Variants in FBN2 observed in about 807,000 individuals in gnomAD.
FBN2 encodes fibrillin 2.
A neutral mutation model predicts 355.6 loss-of-function variants in FBN2; 105 were observed. The ratio of observed to expected loss-of-function variants is 0.30; its 90% confidence interval spans 0.25 to 0.35. The LOEUF (loss-of-function observed/expected upper bound fraction) is 0.35. Among genes scored for constraint, FBN2 ranks in the 10% least tolerant of loss-of-function variants. The probability of loss-of-function intolerance (pLI) is 1.00; values close to 1 mark genes in which losing one functional copy is unlikely to be tolerated. For synonymous variants in FBN2, 1,350 were observed against 1,301.2 expected, an observed-to-expected ratio of 1.04 and a Z score of -0.81; for missense variants, 3,280 against 3,758.7, an observed-to-expected ratio of 0.87 and a Z score of 3.33.
In FBN2 at chr5:128,259,731, T is replaced by C. The variant is rs1764916358; in HGVS notation, c.8463A>G (p.Leu2821=). Residue 2821 remains leucine, a synonymous_variant, in exon 65 of 65, where the codon CTA becomes CTG. Coordinates refer to ENST00000262464, the MANE Select transcript of FBN2 (RefSeq NM_001999.4). ...HLGSKEHILE[L]RPAIQPLNNH... The stretch of plus-strand genomic sequence containing the variant: ...TGTTGAGGGGCTGGATGGCGGGCCT[T>C]AGTTCCAGGATGTGCTCCTTAGAGC... The C allele has an allele frequency of 1.2e-6, 2 of 1,613,730 alleles. No homozygotes were observed. The highest frequency in any genetic ancestry group is 2.7e-5 in the African/African-American group (2 of 74,838).
intron 6 of FBN2, among the ~76,000 whole-genome samples, chr5:128,452,236 C>G (rs1001674703): frequency 6.6e-6 from 1 of 152,138 alleles, no homozygotes; most frequent in African/African-American, 2.4e-5. Flanking sequence ...CTCCAATGAC[C>G]AGACTGTACA....
chr5:128,275,084 C>T (rs1444710900), intron 59 of FBN2, among the ~76,000 whole-genome samples: 1 of 151,946 alleles, frequency 6.6e-6, no homozygotes, highest in Non-Finnish European at 1.5e-5. Flanking sequence ...GATGAAGGTC[C>T]GAACAGAAAC....
intron 7 of FBN2, 139 bp from the exon 8 acceptor site, chr5:128,408,938 C>T (rs1753001259): frequency 1.1e-6 from 1 of 932,738 alleles, no homozygotes. Context: ...ACTCTTGTTT[C>T]AGGCCCCAAA....
chr5:128,301,286 A>C (rs1561757737), intron 47 of FBN2, 96 bp downstream of exon 47: 12 of 1,134,644 alleles, frequency 1.1e-5, no homozygotes, highest in Non-Finnish European at 1.4e-5. Context: ...TGATTAAATG[A>C]AATATTAATG....
intron 57 of FBN2, 139 bp from the exon 58 acceptor site, chr5:128,278,144 A>C (rs1765443162): frequency 3.6e-6 from 3 of 834,490 alleles, no homozygotes; most frequent in African/African-American, 3.4e-5. Context: ...GCACCTGTTC[A>C]TCATTCAGGT....
Position 128,288,405 on chromosome 5 carries a change from GAAGAAATAATATTTAAGACA to G in FBN2, c.6757+13_6757+32del. ...CATTAAAAAACACTTTCTATGTCAA[GAAGAAATAATATTTAAGACA>G]AAGATCACTTGCCTTCACAATTCAT... On this transcript the variant is annotated intron_variant, in intron 53 of 64. Coordinates refer to ENST00000262464, the MANE Select transcript of FBN2 (RefSeq NM_001999.4). The G allele has an allele frequency of 1.2e-6, 2 of 1,610,440 alleles. No homozygotes were observed. The highest frequency in any genetic ancestry group is 1.7e-6 in the Non-Finnish European group (2 of 1,177,300).
intron 11 of FBN2, among the ~76,000 whole-genome samples, chr5:128,382,865 T>C (rs1349729029): frequency 6.6e-6 from 1 of 152,072 alleles, no homozygotes; most frequent in Non-Finnish European, 1.5e-5. Flanking sequence ...CTAGCTGGCG[T>C]TTTTGTTCCC....
chr5:128,447,364 G>C lies in FBN2; in HGVS notation c.827-758C>G, dbSNP rs544030548. ...GAAACAGCCCTGAGAAAGAGAATGC[G>C]TTCCTAGGGGGAGGTCTCTGAAATG... On this transcript the variant is annotated intron_variant, in intron 6 of 64. Coordinates refer to ENST00000262464, the MANE Select transcript of FBN2 (RefSeq NM_001999.4). Among the ~76,000 whole-genome samples, 8 of 152,240 alleles carry C rather than the reference G, an allele frequency of 5.3e-5. No homozygotes were observed. In the East Asian group the frequency reaches 1.4e-3, roughly 26 times the overall value.
chr5:128,479,970 CTCTCTCTATATATATATATATATA>C (rs1356367637), intron 5 of FBN2, among the ~76,000 whole-genome samples: 112 of 24,290 alleles, frequency 4.6e-3, no homozygotes, highest in Admixed American at 9.1e-3. Context: ...CTCTCTCTCT[CTCTCTCTATATATATATATATATA>C]TATATATATA....
In FBN2 at chr5:128,312,729, G is replaced by C. The variant is rs1309295562; in HGVS notation, c.4784C>G (p.Thr1595Ser). 1.9e-6 allele frequency: 3 copies of C among 1,613,962 alleles called. No individual in the cohort carries two copies. Among genetic ancestry groups the C allele is most frequent in the South Asian group, 1.1e-5 (1 of 91,062 alleles). The change falls in exon 37 of 65, where the codon ACC becomes AGC. Residue 1595 changes from threonine to serine, a missense_variant. Thr to Ser is a moderately conservative substitution (Grantham distance 58). Transcript: ENST00000262464. The part of the protein sequence containing the change: ...PRGDGSLSCN[T>S]EIGVGVSRSS... ...GCGACTGACGCCCACCCCGATCTCGGTGTTGCAAGACAGACTCCCATCTCC... is the reference window on the plus strand; with the variant it reads ...GCGACTGACGCCCACCCCGATCTCGCTGTTGCAAGACAGACTCCCATCTCC...
chr5:128,261,810 C>T lies in FBN2; in HGVS notation c.8290G>A (p.Glu2764Lys), dbSNP rs139702446. ...ENALSPEACY[E>K]CKINGYSKKD... is the part of the protein sequence containing the mutation. ...TTAGAATAGCCGTTGATTTTGCACT[C>T]GTAGCATGCTTCTGGGGACAGAGCA... The change falls in exon 64 of 65, where the codon GAG (glutamate) becomes AAG (lysine). Residue 2764 changes from glutamate (E) to lysine (K), a missense_variant. Around this residue, in one of 6 missense-constraint regions of FBN2, gnomAD observed 311 missense variants for 319.1 expected, o/e 0.97. Transcript: ENST00000262464. 20 of 1,614,206 alleles carry T rather than the reference C, an allele frequency of 1.2e-5. No homozygotes were observed. Among genetic ancestry groups the T allele is most frequent in the Middle Eastern group, 1.6e-4 (1 of 6,062 alleles).
chr5:128,278,025 A>T lies in FBN2; in HGVS notation c.7346-20T>A. ...CAATATCTGTGGACCAAAACAACAA[A>T]AACAATCAGGAGTTAACATATATGC... On this transcript the variant is annotated intron_variant, in intron 57 of 64. Transcript: ENST00000262464. 6.2e-7 allele frequency: 1 copy of T among 1,613,664 alleles called. No individual in the cohort carries two copies. The highest frequency in any genetic ancestry group is 8.5e-7 in the Non-Finnish European group (1 of 1,179,642).
At chr5:128,317,107 T>C (rs753875329) in intron 36 of FBN2, among the ~76,000 whole-genome samples, 8 of 152,154 alleles carry the variant, frequency 5.3e-5, no homozygotes, top group Non-Finnish European at 7.4e-5. Context: ...TCCTTGTAAC[T>C]GGAGGCTTCC....
At chr5:128,487,093 A>G (rs1755358664) in intron 5 of FBN2, among the ~76,000 whole-genome samples, 1 of 152,200 alleles carries the variant, frequency 6.6e-6, no homozygotes, top group African/African-American at 2.4e-5. Context: ...TATGGCCACA[A>G]CATGTGACTT....
At chr5:128,527,748 AG>A in intron 4 of FBN2, 123 bp downstream of exon 4, 1 of 686,964 alleles carries the variant, frequency 1.5e-6, no homozygotes, top group Non-Finnish European at 2.6e-6. Flanking sequence ...TTCAGTTTTA[AG>A]GTATGGTTTA....
chr5:128,300,953 G>C lies in FBN2; in HGVS notation c.6047-17C>G, dbSNP rs1444422608. 3.7e-6 allele frequency: 6 copies of C among 1,611,294 alleles called. No individual in the cohort carries two copies. Among genetic ancestry groups the C allele is most frequent in the South Asian group, 1.1e-5 (1 of 90,998 alleles). The stretch of plus-strand genomic sequence containing the variant: ...CATTAGTGTCTTTAGAGAAAAAGAA[G>C]AGAAAAAATAATTTAAGCATGAGAT... On this transcript the variant is annotated splice_polypyrimidine_tract_variant and intron_variant, in intron 47 of 64. Transcript: ENST00000262464.
chr5:128,395,952 G>C (rs911381079), intron 8 of FBN2, among the ~76,000 whole-genome samples: 2 of 152,144 alleles, frequency 1.3e-5, no homozygotes, highest in African/African-American at 4.8e-5. Context: ...AGAAGACAAT[G>C]GTTTACATTT....
At chr5:128,336,457 C>T (rs921098335) in intron 27 of FBN2, among the ~76,000 whole-genome samples, 4 of 152,202 alleles carry the variant, frequency 2.6e-5, no homozygotes, top group African/African-American at 4.8e-5. Flanking sequence ...TGGCTAGTGA[C>T]TATCATGTTA....
At chr5:128,402,105 T>C (rs1031298170) in intron 8 of FBN2, among the ~76,000 whole-genome samples, 5 of 152,104 alleles carry the variant, frequency 3.3e-5, no homozygotes, top group Admixed American at 3.3e-4. Context: ...TTACCTCTCT[T>C]TCCTTTGTAT....
Sources: gnomAD v4.1 joint callset for allele counts (sites outside exome capture counted in the v4.1 genomes callset) on GRCh38, gnomAD v4.1.1 for gene constraint, gnomAD v4.1.1 regional missense constraint, MANE v1.5 for transcripts, NCBI Gene and HGNC (gene_info 2026-07-23, HGNC 2026-07-21) for gene names.